Variants in IL2RB observed in about 807,000 individuals in gnomAD.
IL2RB encodes interleukin-2 receptor subunit beta.
A neutral mutation model predicts 44.2 loss-of-function variants in IL2RB; 17 were observed. The observed-to-expected ratio is 0.38, with a 90% CI of 0.26 to 0.58. The LOEUF (loss-of-function observed/expected upper bound fraction) is 0.58. IL2RB is among the 20% of genes least tolerant of loss of function. The pLI, the probability that IL2RB is intolerant of heterozygous loss-of-function variation, is 0.63. For missense variants in IL2RB, 624 were observed against 685.5 expected (o/e 0.91, Z 1.00); for synonymous variants, 286 against 297.9 (o/e 0.96, Z 0.41).
In IL2RB at chr22:37,126,021, A is replaced by G. The variant is rs1921093270; in HGVS notation, c.*2075T>C. ...TGGTACACACGGATCATTAAAAGATACGGATGTATAGATACATATGTCACA... is the reference window on the plus strand; with the variant it reads ...TGGTACACACGGATCATTAAAAGATGCGGATGTATAGATACATATGTCACA... On this transcript the variant is annotated 3_prime_UTR_variant, in exon 10 of 10. Transcript: ENST00000216223. The G allele has an allele frequency of 6.6e-6, 1 of 152,242 alleles. No homozygotes were observed. The allele number at this position is 152,242 out of a possible 1,614,324, so 9.4% of individuals were successfully genotyped here.
intron 5 of IL2RB, 49 bp from the exon 6 acceptor site, chr22:37,137,784 T>C (rs1400320952): frequency 6.5e-6 from 10 of 1,536,740 alleles, no homozygotes; most frequent in South Asian, 1.1e-5. Flanking sequence ...GACCTCCACC[T>C]CCCACTTTGT....
chr22:37,169,323 G>A lies in IL2RB; in HGVS notation c.-34+5635C>T, dbSNP rs1315299712. ...AGGGGTTCTTGTTTACACGTTTACA[G>A]AGGGGTTCTTGTTTACAGAGGGGTT... On this transcript the variant is annotated intron_variant, in intron 1 of 5. Transcript: ENST00000429622. Among the ~76,000 whole-genome samples the A allele has an allele frequency of 2.7e-5, 4 of 149,638 alleles. No individual in the cohort carries two copies. In the East Asian group the frequency reaches 7.8e-4, roughly 29 times the overall value.
intron 1 of IL2RB, among the ~76,000 whole-genome samples, chr22:37,145,827 G>A (rs183196124): frequency 1.5e-4 from 23 of 152,178 alleles, no homozygotes; most frequent in East Asian, 7.7e-4. Flanking sequence ...GCTCCTGAGC[G>A]TTGGGCATTT....
At chr22:37,156,913 G>A (rs369459553) in intron 1 of IL2RB, among the ~76,000 whole-genome samples, 16 of 152,022 alleles carry the variant, frequency 1.1e-4, no homozygotes, top group East Asian at 3.9e-4. Context: ...CTTGTGTTCC[G>A]CCCACCCCTG....
At chr22:37,146,140 C>G (rs911031296) in intron 1 of IL2RB, among the ~76,000 whole-genome samples, 7 of 152,152 alleles carry the variant, frequency 4.6e-5, no homozygotes, top group African/African-American at 1.7e-4. Flanking sequence ...CAGGACTCTC[C>G]TCAGACAGCA....
chr22:37,153,558 T>C (rs1430161166), upstream of IL2RB, among the ~76,000 whole-genome samples: 1 of 152,188 alleles, frequency 6.6e-6, no homozygotes, highest in Non-Finnish European at 1.5e-5. Flanking sequence ...ACACTGCCCT[T>C]CCCTCTCCTC....
Position 37,136,466 on chromosome 22 carries a change from A to ACCCC in IL2RB, c.538-77_538-74dup, listed in dbSNP as rs34577916. The ACCCC allele has an allele frequency of 1.9e-4, 249 of 1,329,894 alleles. 1 individual carries two copies. The African/African-American group carries it at 2.3e-3, about 12-fold the overall frequency. 82.4% of individuals were successfully genotyped at this position (1,329,894 alleles called of 1,614,324 possible). On this transcript the variant is annotated intron_variant, in intron 6 of 9. Coordinates refer to ENST00000216223, the MANE Select transcript of IL2RB (RefSeq NM_000878.5). Reference sequence around the variant, plus strand: ...GGGCCAGGAGGCTGAGCATCACAGAACCCCCCCCCAACCCCTGCCAGCTGC... The same window carrying ACCCC: ...GGGCCAGGAGGCTGAGCATCACAGAACCCCCCCCCCCCCAACCCCTGCCAGCTGC...
chr22:37,174,228 C>T (rs1923378866), intron 1 of IL2RB, among the ~76,000 whole-genome samples: 1 of 152,180 alleles, frequency 6.6e-6, no homozygotes, highest in South Asian at 2.1e-4. Flanking sequence ...CGGAAGGGTT[C>T]GTCGCTGGGT....
chr22:37,158,482 C>G (rs1036867470), intron 1 of IL2RB, among the ~76,000 whole-genome samples: 3 of 152,014 alleles, frequency 2.0e-5, no homozygotes, highest in Non-Finnish European at 4.4e-5. Context: ...CACTTGAACC[C>G]GGGAGGCAGA....
At chr22:37,134,326 C>T (rs950692859) in intron 8 of IL2RB, among the ~76,000 whole-genome samples, 10 of 152,140 alleles carry the variant, frequency 6.6e-5, no homozygotes, top group Non-Finnish European at 1.2e-4. Flanking sequence ...GACTTGAGGC[C>T]GGGCGTGGGG....
At chr22:37,138,992 G>C (rs1569044547) in intron 5 of IL2RB, 125 bp downstream of exon 5, 1 of 654,028 alleles carries the variant, frequency 1.5e-6, no homozygotes, top group Non-Finnish European at 2.8e-6. Flanking sequence ...AGCGGGCGGT[G>C]AGGTGATCAG....
At position 37,139,050 on chromosome 22, in the gene IL2RB, C is replaced by T. The variant is rs911649722; in HGVS notation, c.388+67G>A. 4.9e-6 allele frequency: 5 copies of T among 1,023,848 alleles called. No homozygotes were observed. In the African/African-American group the frequency reaches 7.9e-5, roughly 16 times the overall value. 63.4% of individuals were successfully genotyped at this position (1,023,848 alleles called of 1,614,324 possible). The stretch of plus-strand genomic sequence containing the variant: ...GGAGAAAGGCTGGAGCAGGGAAGAT[C>T]CCAGAGGAGGTGGAAGGAAGGAGGT... On this transcript the variant is annotated intron_variant, in intron 5 of 9. Coordinates refer to ENST00000216223, the MANE Select transcript of IL2RB (RefSeq NM_000878.5).
At chr22:37,166,773 G>C (rs1350357269) in intron 1 of IL2RB, 1 of 152,334 alleles carries the variant, frequency 6.6e-6, no homozygotes. Context: ...TCGCGGCCAG[G>C]AGCGTGACCA....
Position 37,128,190 on chromosome 22 carries a change from T to C in IL2RB, c.1562A>G (p.Glu521Gly). ...FPWSRPPGQGEFRALNARLPL... is the reference protein window; with the variant it reads ...FPWSRPPGQGGFRALNARLPL... ...CAGGCGAGCATTAAGGGCCCTGAAC[T>C]CCCCCTGCCCAGGAGGCCTGGACCA... Residue 521 changes from glutamate to glycine, a missense_variant, in exon 10 of 10, where the codon GAG becomes GGG. By Grantham distance (98) the Glu-to-Gly change is moderately conservative (BLOSUM62 -2). Around this residue, in one of 3 missense-constraint regions of IL2RB, gnomAD observed 291 missense variants for 275.5 expected, o/e 1.06. Transcript: ENST00000216223. This position sits in a 1 kb window ranked among gnomAD's most constrained non-coding sequence, Gnocchi z 4.5. 6.5e-7 allele frequency: 1 copy of C among 1,536,986 alleles called. No homozygotes were observed. Among genetic ancestry groups the C allele is most frequent in the South Asian group, 1.3e-5 (1 of 77,520 alleles).
rs1921948905 is a variant in IL2RB, at chr22:37,141,110, A to G, written c.282+1324T>C. ...GCAGCTGCCTAAGTCTTGGCTGTGGACCCAGGCCTCCTGGTGCTGTTGGGG... is the reference window on the plus strand; with the variant it reads ...GCAGCTGCCTAAGTCTTGGCTGTGGGCCCAGGCCTCCTGGTGCTGTTGGGG... On this transcript the variant is annotated intron_variant, in intron 4 of 9. Transcript: ENST00000216223. The surrounding 1 kb of genome is among the most constrained non-coding windows in gnomAD (Gnocchi z 4.4). Among the ~76,000 whole-genome samples, 1 of 152,016 alleles carries G rather than the reference A, an allele frequency of 6.6e-6. No individual in the cohort carries two copies. The highest frequency in any genetic ancestry group is 6.5e-5 in the Admixed American group (1 of 15,276).
At chr22:37,158,736 G>A (rs903414146) in intron 1 of IL2RB, among the ~76,000 whole-genome samples, 1 of 152,224 alleles carries the variant, frequency 6.6e-6, no homozygotes, top group Non-Finnish European at 1.5e-5. Context: ...GTGAAGGTGC[G>A]TGGGAGCATG....
At chr22:37,135,278 G>C in intron 8 of IL2RB, 50 bp downstream of exon 8, 1 of 1,218,396 alleles carries the variant, frequency 8.2e-7, no homozygotes, top group Non-Finnish European at 1.2e-6. Flanking sequence ...GCATGTGTGT[G>C]CACGTTGGAG....
At chr22:37,157,778 C>T (rs941154598) in intron 1 of IL2RB, among the ~76,000 whole-genome samples, 1 of 152,110 alleles carries the variant, frequency 6.6e-6, no homozygotes, top group African/African-American at 2.4e-5. Flanking sequence ...TCTTGGACAA[C>T]AGGAACAGTG....
intron 1 of IL2RB, among the ~76,000 whole-genome samples, chr22:37,172,215 T>TAAAAAAAAAAA (rs63579164): frequency 9.6e-6 from 1 of 104,512 alleles, no homozygotes; most frequent in African/African-American, 3.3e-5. Flanking sequence ...AAAGGTAAAG[T>TAAAAAAAAAAA]AAAAAAAAAA....
Sources: allele counts gnomAD v4.1 joint callset (sites outside exome capture counted in the v4.1 genomes callset), GRCh38; gene constraint gnomAD v4.1.1; regional missense constraint gnomAD v4.1.1; non-coding constraint Gnocchi (gnomAD v3.1); transcripts MANE v1.5; gene names NCBI Gene and HGNC (gene_info 2026-07-23, HGNC 2026-07-21).